The following COL7A1 variants were observed in gnomAD, a reference collection of about 807,000 sequenced individuals.
The protein encoded by COL7A1 is collagen type VII alpha 1 chain.
Under a neutral mutation model 456.2 loss-of-function variants are expected in COL7A1, and 296 were observed. The observed-to-expected ratio is 0.65, with a 90% CI of 0.59 to 0.71. The LOEUF (loss-of-function observed/expected upper bound fraction) is 0.71, where lower values mean the gene tolerates loss of function less well. Among genes scored for constraint, COL7A1 ranks in the 30% least tolerant of loss-of-function variants. COL7A1 has a pLI of 0.00. For synonymous variants in COL7A1, 1,464 were observed against 1,525.9 expected (o/e 0.96, Z 0.95); for missense variants, 3,441 against 4,017.2 (o/e 0.86, Z 3.88).
In COL7A1 at chr3:48,581,134, G is replaced by A. The variant is rs202165842; in HGVS notation, c.4923C>T (p.Asp1641=). The A allele has an allele frequency of 8.7e-5, 140 of 1,613,878 alleles. No homozygotes were observed. Among genetic ancestry groups the A allele is most frequent in the East Asian group, 4.9e-4 (22 of 44,872 alleles). ...GAAGGAGTCTCACCGGAGGACCCTC[G>A]TCACCTTTCTCTCCAACTTCACCCT... is the stretch of plus-strand genomic sequence containing the variant. ...GRDGEVGEKG[D]EGPPGDPGLP... Residue 1641 remains aspartate (D), a synonymous_variant, in exon 53 of 119, where the codon GAC becomes GAT. Coordinates refer to ENST00000681320, the MANE Select transcript of COL7A1 (RefSeq NM_000094.4). This position sits in a 1 kb window ranked among gnomAD's most constrained non-coding sequence, Gnocchi z 5.8.
rs199819125 is a variant in COL7A1 at position 48,570,298 on chromosome 3, C to T, written c.7417G>A (p.Glu2473Lys). The T allele has an allele frequency of 1.3e-4, 217 of 1,613,926 alleles. No individual in the cohort carries two copies. Among genetic ancestry groups the T allele is most frequent in the South Asian group, 4.4e-5 (4 of 91,050 alleles). The change falls in exon 98 of 119, where the codon GAG becomes AAG. Residue 2473 changes from glutamate to lysine, a missense_variant. Transcript: ENST00000681320. The surrounding 1 kb of genome is among the most constrained non-coding windows in gnomAD (Gnocchi z 5.5). ...PGVGLPGPRG[E>K]RGEPGIRGED... ...ACCCGGATGCCTGGCTCCCCACGCT[C>T]GCCTCGGGGCCCAGGCAGCCCTACT... is the stretch of plus-strand genomic sequence containing the variant.
In COL7A1 at chr3:48,564,999, G is replaced by C; in HGVS notation, c.8621-19C>G. On this transcript the variant is annotated intron_variant, in intron 117 of 118. Coordinates refer to ENST00000681320, the MANE Select transcript of COL7A1 (RefSeq NM_000094.4). This position sits in a 1 kb window ranked among gnomAD's most constrained non-coding sequence, Gnocchi z 6.0. ...CAGGGGTCTGGGCCAATGGGGTCAA[G>C]TCAGCAGGGTTTGTGGGAATCAGAG... 3.7e-6 allele frequency: 6 copies of C among 1,614,086 alleles called. No individual in the cohort carries two copies. Among genetic ancestry groups the C allele is most frequent in the Non-Finnish European group, 5.1e-6 (6 of 1,179,962 alleles).
chr3:48,578,475 G>A lies in COL7A1; in HGVS notation c.5465C>T (p.Pro1822Leu), dbSNP rs781197075. 99 of 1,612,738 alleles carry A rather than the reference G, an allele frequency of 6.1e-5. No individual in the cohort carries two copies. Among genetic ancestry groups the A allele is most frequent in the Non-Finnish European group, 8.1e-5 (95 of 1,180,022 alleles). ...CACCGGTAATCCAGGGGGACCAGAG[G>A]GGCCAGGGAGGCCCTGTTCTCCACG... ...GLRGEQGLPG[P>L]SGPPGLPGKP... Residue 1822 changes from proline (P) to leucine (L), a missense_variant, in exon 64 of 119, where the codon CCC (proline) becomes CTC (leucine). Pro to Leu is a moderately conservative substitution (Grantham distance 98). Coordinates refer to ENST00000681320, the MANE Select transcript of COL7A1 (RefSeq NM_000094.4). This position sits in a 1 kb window ranked among gnomAD's most constrained non-coding sequence, Gnocchi z 4.7.
In COL7A1 at chr3:48,586,123, G is replaced by C; in HGVS notation, c.3674C>G (p.Ala1225Gly). 1.2e-6 allele frequency: 2 copies of C among 1,613,508 alleles called. No homozygotes were observed. The highest frequency in any genetic ancestry group is 1.7e-6 in the Non-Finnish European group (2 of 1,180,034). ...AVDDGPSLDQ[A>G]VSGLATALCQ... ...CAGGGCTGTGGCCAGACCACTGACT[G>C]CCTGGTCCAGGCTTGGCCCATCATC... Residue 1225 changes from alanine to glycine, a missense_variant, in exon 28 of 119, where the codon GCA becomes GGA. By Grantham distance (60) the Ala-to-Gly change is moderately conservative. Around this residue, in one of 3 missense-constraint regions of COL7A1, gnomAD observed 2,084 missense variants for 2,501.3 expected, o/e 0.83. Transcript: ENST00000681320. The surrounding 1 kb of genome is among the most constrained non-coding windows in gnomAD (Gnocchi z 5.1).
Position 48,588,563 on chromosome 3 carries a change from T to C in COL7A1, c.2587+79A>G. On this transcript the variant is annotated intron_variant, in intron 20 of 118. Coordinates refer to ENST00000681320, the MANE Select transcript of COL7A1 (RefSeq NM_000094.4). This position sits in a 1 kb window ranked among gnomAD's most constrained non-coding sequence, Gnocchi z 4.6. ...GCTCACTACCAATCCTGGTCCTTTCTCCAATCCAGAGCACAAGCCCGGATC... is the reference window on the plus strand; with the variant it reads ...GCTCACTACCAATCCTGGTCCTTTCCCCAATCCAGAGCACAAGCCCGGATC... 6.2e-7 allele frequency: 1 copy of C among 1,611,670 alleles called. No individual in the cohort carries two copies. The highest frequency in any genetic ancestry group is 8.5e-7 in the Non-Finnish European group (1 of 1,179,112).
chr3:48,583,821 A>G lies in COL7A1; in HGVS notation c.4279-41T>C. ...TAAAAATATGAGCCAAGAACTATGA[A>G]GCCCAGCACCCAACCACTGCCCCAG... On this transcript the variant is annotated intron_variant, in intron 39 of 118. Coordinates refer to ENST00000681320, the MANE Select transcript of COL7A1 (RefSeq NM_000094.4). The surrounding 1 kb of genome is among the most constrained non-coding windows in gnomAD (Gnocchi z 5.1). 1 of 1,613,670 alleles carries G rather than the reference A, an allele frequency of 6.2e-7. No individual in the cohort carries two copies. The highest frequency in any genetic ancestry group is 8.5e-7 in the Non-Finnish European group (1 of 1,179,798).
Position 48,583,023 on chromosome 3 carries a change from G to T in COL7A1, c.4508C>A (p.Ala1503Glu). Residue 1503 changes from alanine to glutamate, a missense_variant, in exon 44 of 119, where the codon GCG becomes GAG. Physicochemically the swap from Ala to Glu is moderately radical, Grantham distance 107 (BLOSUM62 -1). Around this residue, in one of 3 missense-constraint regions of COL7A1, gnomAD observed 2,084 missense variants for 2,501.3 expected, o/e 0.83. Coordinates refer to ENST00000681320, the MANE Select transcript of COL7A1 (RefSeq NM_000094.4). This position sits in a 1 kb window ranked among gnomAD's most constrained non-coding sequence, Gnocchi z 5.1. ...AGCCAGTGGGTTTACCCGGGATCCC[G>T]CTGGGCCTGGGGGTCCACGTTCGCC... Reference protein sequence around the residue: ...EKGERGPPGPAGSRGLPGVAG... With the variant: ...EKGERGPPGPEGSRGLPGVAG... 2 of 1,614,018 alleles carry T rather than the reference G, an allele frequency of 1.2e-6. No individual in the cohort carries two copies. Among genetic ancestry groups the T allele is most frequent in the Non-Finnish European group, 1.7e-6 (2 of 1,179,974 alleles).
rs2107693041 is a variant in COL7A1 at position 48,578,663 on chromosome 3, C to T, written c.5425-148G>A. ...CCCATTGAGATCCCTCAGGCACAGA[C>T]CCCATGGATGGGGGCCCCTGCTGAG... is the stretch of plus-strand genomic sequence containing the variant. On this transcript the variant is annotated intron_variant, in intron 63 of 118. Transcript: ENST00000681320. The surrounding 1 kb of genome is among the most constrained non-coding windows in gnomAD (Gnocchi z 4.7). 2.0e-6 allele frequency: 2 copies of T among 1,023,200 alleles called. No individual in the cohort carries two copies. The highest frequency in any genetic ancestry group is 1.5e-6 in the Non-Finnish European group (1 of 689,588). The allele number at this position is 1,023,200 out of a possible 1,614,324, so 63.4% of individuals were successfully genotyped here. A position where few individuals can be genotyped will look rare whatever the true frequency, so the allele number is the denominator to read the frequency against.
rs200769466 is a variant in COL7A1 at position 48,587,546 on chromosome 3, G to A, written c.2866C>T (p.Arg956Cys). 26 of 1,613,572 alleles carry A rather than the reference G, an allele frequency of 1.6e-5. No individual in the cohort carries two copies. Among genetic ancestry groups the A allele is most frequent in the South Asian group, 3.3e-5 (3 of 91,074 alleles). ...ACACGTAGTTCAATGCTTGGAACAC[G>A]AGGTGACTCTGAAGGAGGAATGAAA... ...AEVTARTESP[R>C]VPSIELRVVD... The change falls in exon 23 of 119, where the codon CGT (arginine) becomes TGT (cysteine). Residue 956 changes from arginine to cysteine, a missense_variant. Arg to Cys is a radical substitution (Grantham distance 180). Coordinates refer to ENST00000681320, the MANE Select transcript of COL7A1 (RefSeq NM_000094.4). The surrounding 1 kb of genome is among the most constrained non-coding windows in gnomAD (Gnocchi z 6.1).
Position 48,588,471 on chromosome 3 carries a change from C to G in COL7A1, c.2588-67G>C, listed in dbSNP as rs985248445. ...GGCCCCTGCACCAATCCCAGGCCCA[C>G]CCTGGCACACGCACCCCGCCCAGCC... On this transcript the variant is annotated intron_variant, in intron 20 of 118. Coordinates refer to ENST00000681320, the MANE Select transcript of COL7A1 (RefSeq NM_000094.4). This position sits in a 1 kb window ranked among gnomAD's most constrained non-coding sequence, Gnocchi z 4.6. 1 of 1,595,210 alleles carries G rather than the reference C, an allele frequency of 6.3e-7. No homozygotes were observed. Among genetic ancestry groups the G allele is most frequent in the African/African-American group, 1.3e-5 (1 of 74,560 alleles).
Position 48,565,563 on chromosome 3 carries a change from C to G in COL7A1, c.8441-67G>C. 2 of 1,614,044 alleles carry G rather than the reference C, an allele frequency of 1.2e-6. No homozygotes were observed. The highest frequency in any genetic ancestry group is 1.7e-6 in the Non-Finnish European group (2 of 1,179,950). On this transcript the variant is annotated intron_variant, in intron 115 of 118. Transcript: ENST00000681320. This position sits in a 1 kb window ranked among gnomAD's most constrained non-coding sequence, Gnocchi z 4.5. ...TGGGCAGCCATCCCAGCCAACCCCC[C>G]TGAGAGGACCCCAGTTGATAGGCAG... is the stretch of plus-strand genomic sequence containing the variant.
chr3:48,568,286 G>T lies in COL7A1; in HGVS notation c.7795-116C>A. On this transcript the variant is annotated intron_variant, in intron 105 of 118. Coordinates refer to ENST00000681320, the MANE Select transcript of COL7A1 (RefSeq NM_000094.4). The surrounding 1 kb of genome is among the most constrained non-coding windows in gnomAD (Gnocchi z 5.2). ...GTGGGAGTCACCTCTGGAGGCCAGA[G>T]CCACTGGGGCTTGCCATGGGGACAA... 1 of 1,246,372 alleles carries T rather than the reference G, an allele frequency of 8.0e-7. No homozygotes were observed. Among genetic ancestry groups the T allele is most frequent in the Non-Finnish European group, 1.2e-6 (1 of 862,160 alleles). The allele number at this position is 1,246,372 out of a possible 1,614,324, so 77.2% of individuals were successfully genotyped here.
chr3:48,576,758 G>T lies in COL7A1; in HGVS notation c.5618C>A (p.Pro1873His). 1 of 1,613,238 alleles carries T rather than the reference G, an allele frequency of 6.2e-7. No individual in the cohort carries two copies. Among genetic ancestry groups the T allele is most frequent in the Non-Finnish European group, 8.5e-7 (1 of 1,179,716 alleles). ...ACCAGGAGCTCCACGCTCACCCTTGGGGCCATCACGACCCTGTGAAGGATG... is the reference window on the plus strand; with the variant it reads ...ACCAGGAGCTCCACGCTCACCCTTGTGGCCATCACGACCCTGTGAAGGATG... ...GASGREGRDG[P>H]KGERGAPGIL... The change falls in exon 68 of 119, where the codon CCC becomes CAC. Residue 1873 changes from proline (P) to histidine (H), a missense_variant. Pro to His is a moderately conservative substitution (Grantham distance 77). Around this residue, in one of 3 missense-constraint regions of COL7A1, gnomAD observed 2,084 missense variants for 2,501.3 expected, o/e 0.83. Transcript: ENST00000681320.
At position 48,566,126 on chromosome 3, in the gene COL7A1, T is replaced by C. The variant is rs2043594060; in HGVS notation, c.8407+141A>G. The C allele has an allele frequency of 1.1e-6, 1 of 894,152 alleles. No individual in the cohort carries two copies. Among genetic ancestry groups the C allele is most frequent in the South Asian group, 1.4e-5 (1 of 69,380 alleles). The allele number at this position is 894,152 out of a possible 1,614,324, so 55.4% of individuals were successfully genotyped here. On this transcript the variant is annotated intron_variant, in intron 114 of 118. Coordinates refer to ENST00000681320, the MANE Select transcript of COL7A1 (RefSeq NM_000094.4). This position sits in a 1 kb window ranked among gnomAD's most constrained non-coding sequence, Gnocchi z 5.9. ...ACTGGGGACACATGTCATGTGTCAG[T>C]CCTGCAGCACATGTGTCCTTCTGTG...
Position 48,579,668 on chromosome 3 carries a change from C to T in COL7A1, c.5155G>A (p.Gly1719Arg). The T allele has an allele frequency of 6.2e-7, 1 of 1,613,700 alleles. No homozygotes were observed. Among genetic ancestry groups the T allele is most frequent in the Non-Finnish European group, 8.5e-7 (1 of 1,179,980 alleles). ...VDTGPGAREK[G>R]EPGDRGQEGP... is the part of the protein sequence containing the mutation. The stretch of plus-strand genomic sequence containing the variant: ...TCTTGTCCGCGGTCCCCAGGCTCTC[C>T]CTGTGGCAGAGATAAGCTTGCTGAG... Residue 1719 changes from glycine (G) to arginine (R), a missense_variant and splice_region_variant, in exon 59 of 119, where the codon GGA becomes AGA. Gly to Arg is a moderately radical substitution (Grantham distance 125, BLOSUM62 -2). Coordinates refer to ENST00000681320, the MANE Select transcript of COL7A1 (RefSeq NM_000094.4). This position sits in a 1 kb window ranked among gnomAD's most constrained non-coding sequence, Gnocchi z 4.4.
chr3:48,579,655 T>C lies in COL7A1; in HGVS notation c.5168A>G (p.Asp1723Gly). 1 of 1,613,344 alleles carries C rather than the reference T, an allele frequency of 6.2e-7. No homozygotes were observed. Among genetic ancestry groups the C allele is most frequent in the Non-Finnish European group, 8.5e-7 (1 of 1,179,924 alleles). ...PGAREKGEPG[D>G]RGQEGPRGPK... is the part of the protein sequence containing the mutation. ...CCCTCGAGGACCCTCTTGTCCGCGG[T>C]CCCCAGGCTCTCCCTGTGGCAGAGA... The change falls in exon 59 of 119, where the codon GAC (aspartate) becomes GGC (glycine). Residue 1723 changes from aspartate (D) to glycine (G), a missense_variant. By Grantham distance (94) the Asp-to-Gly change is moderately conservative. This residue lies in a region of COL7A1 where 2,084 missense variants were observed against 2,501.3 expected (regional missense o/e 0.83). Coordinates refer to ENST00000681320, the MANE Select transcript of COL7A1 (RefSeq NM_000094.4). This position sits in a 1 kb window ranked among gnomAD's most constrained non-coding sequence, Gnocchi z 4.4.
At position 48,575,790 on chromosome 3, in the gene COL7A1, G is replaced by A. The variant is rs780694249; in HGVS notation, c.5857-42C>T. 10 of 1,613,832 alleles carry A rather than the reference G, an allele frequency of 6.2e-6. No individual in the cohort carries two copies. In the East Asian group the frequency reaches 6.7e-5, roughly 11 times the overall value. On this transcript the variant is annotated intron_variant, in intron 72 of 118. Transcript: ENST00000681320. This position sits in a 1 kb window ranked among gnomAD's most constrained non-coding sequence, Gnocchi z 6.3. ...GGTCAGAGGAGCGGGGTGCGTCGCC[G>A]CAGCCCCTATGCCTGTGGGCACCAC...
In COL7A1 at chr3:48,568,907, G is replaced by T; in HGVS notation, c.7687-52C>A. On this transcript the variant is annotated intron_variant, in intron 103 of 118. Transcript: ENST00000681320. The surrounding 1 kb of genome is among the most constrained non-coding windows in gnomAD (Gnocchi z 5.2). Reference sequence around the variant, plus strand: ...CAGTCAGGACCAGATCAGGCTGGGGGCTTAGAATACAACGAGCCCGCCAGC... The same window carrying T: ...CAGTCAGGACCAGATCAGGCTGGGGTCTTAGAATACAACGAGCCCGCCAGC... 6.5e-7 allele frequency: 1 copy of T among 1,528,882 alleles called. No homozygotes were observed. Among genetic ancestry groups the T allele is most frequent in the Non-Finnish European group, 8.9e-7 (1 of 1,126,088 alleles). The allele number at this position is 1,528,882 out of a possible 1,614,324, so 94.7% of individuals were successfully genotyped here.
Position 48,570,940 on chromosome 3 carries a change from C to T in COL7A1, c.7193G>A (p.Gly2398Asp), listed in dbSNP as rs1450017346. ...CGGGAACCCAACAACACCAGGAGCA[C>T]CGGGCAGGCCAGGGAGGCCCAGATC... ...KGDLGLPGLP[G>D]APGVVGFPGQ... Residue 2398 changes from glycine to aspartate, a missense_variant, in exon 95 of 119, where the codon GGT becomes GAT. By Grantham distance (94) the Gly-to-Asp change is moderately conservative. Coordinates refer to ENST00000681320, the MANE Select transcript of COL7A1 (RefSeq NM_000094.4). This position sits in a 1 kb window ranked among gnomAD's most constrained non-coding sequence, Gnocchi z 5.5. The T allele has an allele frequency of 6.2e-7, 1 of 1,613,680 alleles. No homozygotes were observed. Among genetic ancestry groups the T allele is most frequent in the Non-Finnish European group, 8.5e-7 (1 of 1,179,884 alleles).
Sources: gnomAD v4.1 joint callset for allele counts on GRCh38, gnomAD v4.1.1 for gene constraint, gnomAD v4.1.1 regional missense constraint, Gnocchi (gnomAD v3.1) non-coding constraint, MANE v1.5 for transcripts, NCBI Gene and HGNC (gene_info 2026-07-23, HGNC 2026-07-21) for gene names.